Variants in CCDC112 observed in about 807,000 individuals in gnomAD.
CCDC112 encodes the protein coiled-coil domain-containing protein 112.
A neutral mutation model predicts 66.3 loss-of-function variants in CCDC112; 40 were observed. The observed-to-expected ratio is 0.60, with a 90% CI of 0.47 to 0.79. The LOEUF (loss-of-function observed/expected upper bound fraction) is 0.79. Among genes scored for constraint, CCDC112 ranks in the 30% least tolerant of loss-of-function variants. The pLI, the probability that CCDC112 is intolerant of heterozygous loss-of-function variation, is 0.00. For missense variants in CCDC112, 659 were observed against 603.8 expected, an observed-to-expected ratio of 1.09 and a Z score of -0.96; for synonymous variants, 214 against 197.2, an observed-to-expected ratio of 1.09 and a Z score of -0.71.
chr5:115,287,696 CTTTTTTTTTT>C lies in CCDC112; in HGVS notation c.118-2798_118-2789del, dbSNP rs778702533. ...AACAGATGTTAACCAATCCCCTTTC[CTTTTTTTTTT>C]TTTTTTTTTTTTTAATTAAAGTGGT... is the stretch of plus-strand genomic sequence containing the variant. On this transcript the variant is annotated intron_variant, in intron 1 of 9. Transcript: ENST00000379611. Among the ~76,000 whole-genome samples, 29 of 84,740 alleles carry C rather than the reference CTTTTTTTTTT, an allele frequency of 3.4e-4. No homozygotes were observed. In the East Asian group the frequency reaches 0.011, roughly 31 times the overall value. 55.6% of individuals were successfully genotyped at this position (84,740 alleles called of 152,430 possible). A position where few individuals can be genotyped will look rare whatever the true frequency, so the allele number is the denominator to read the frequency against.
Position 115,276,035 on chromosome 5 carries a change from A to T in CCDC112, c.486T>A (p.Ile162=). The T allele has an allele frequency of 1.2e-6, 2 of 1,607,632 alleles. No individual in the cohort carries two copies. Among genetic ancestry groups the T allele is most frequent in the South Asian group, 2.2e-5 (2 of 89,622 alleles). ...VEKLREMMEE[I]ENAINTFKEE... is the part of the protein sequence containing the mutation. ...CTTTAAAAGTGTTAATTGCATTTTC[A>T]ATTTCTTCCATCATTTCTCTGAGCT... Residue 162 remains isoleucine (I), a synonymous_variant, in exon 5 of 10, where the codon ATT becomes ATA. Transcript: ENST00000379611.
In CCDC112 at chr5:115,271,585, CT is replaced by C; in HGVS notation, c.959del (p.Glu320GlyfsTer6). The C allele has an allele frequency of 3.2e-6, 5 of 1,547,978 alleles. No homozygotes were observed. Among genetic ancestry groups the C allele is most frequent in the Non-Finnish European group, 4.3e-6 (5 of 1,154,800 alleles). On this transcript the variant is annotated frameshift_variant, in exon 7 of 10. Coordinates refer to ENST00000379611, the MANE Select transcript of CCDC112 (RefSeq NM_001040440.3). LOFTEE classifies it high-confidence loss of function. ...IWKTKKQQKREEIFKLKEKAD... is the reference protein window; with the variant it reads ...IWKTKKQQKRXEIFKLKEKAD... ...CCTTTTCCTTTAACTTGAAAATTTC[CT>C]CCCTTTTTTGCTGCTTTTTAGTTTT...
In CCDC112 at chr5:115,276,068, A is replaced by C; in HGVS notation, c.453T>G (p.Phe151Leu). ...QLKDVKPTPDFVEKLREMMEE... is the reference protein window; with the variant it reads ...QLKDVKPTPDLVEKLREMMEE... ...CCATCATTTCTCTGAGCTTCTCAACAACTGTAAAAGAAACACGGAAAATTA... is the reference window on the plus strand; with the variant it reads ...CCATCATTTCTCTGAGCTTCTCAACCACTGTAAAAGAAACACGGAAAATTA... The change falls in exon 5 of 10, where the codon TTT becomes TTG. Residue 151 changes from phenylalanine to leucine, a missense_variant and splice_region_variant. Transcript: ENST00000379611. 6.3e-7 allele frequency: 1 copy of C among 1,596,504 alleles called. No homozygotes were observed.
chr5:115,291,195 G>C (rs957196792), intron 1 of CCDC112, among the ~76,000 whole-genome samples: 6 of 152,026 alleles, frequency 3.9e-5, no homozygotes, highest in African/African-American at 1.4e-4. Context: ...CTTCATGAAA[G>C]GGTGTTGGAT....
intron 7 of CCDC112, among the ~76,000 whole-genome samples, chr5:115,270,829 C>CT: frequency 6.6e-6 from 1 of 152,348 alleles, no homozygotes. Flanking sequence ...CTGTTACACT[C>CT]TTTCAAGCTG....
At position 115,275,621 on chromosome 5, in the gene CCDC112, A is replaced by G; in HGVS notation, c.528-15T>C. On this transcript the variant is annotated splice_polypyrimidine_tract_variant and intron_variant, in intron 5 of 9. Transcript: ENST00000379611. ...GCTCTTCATATCTAAAATTTTAAAA[A>G]TAAAGTTTGAATAAGAAGACAATCC... is the stretch of plus-strand genomic sequence containing the variant. 6.7e-7 allele frequency: 1 copy of G among 1,502,484 alleles called. No homozygotes were observed. Among genetic ancestry groups the G allele is most frequent in the Non-Finnish European group, 9.0e-7 (1 of 1,108,922 alleles). The allele number at this position is 1,502,484 out of a possible 1,614,324, so 93.1% of individuals were successfully genotyped here. A position where few individuals can be genotyped will look rare whatever the true frequency, so the allele number is the denominator to read the frequency against.
At chr5:115,283,780 T>G (rs531589149) in intron 2 of CCDC112, among the ~76,000 whole-genome samples, 7 of 152,230 alleles carry the variant, frequency 4.6e-5, no homozygotes, top group African/African-American at 1.4e-4. Flanking sequence ...CCAGAGACCA[T>G]TCCTTATAAT....
chr5:115,280,406 T>C lies in CCDC112; in HGVS notation c.240-638A>G, dbSNP rs934364971. 11 of 152,340 alleles carry C rather than the reference T, an allele frequency of 7.2e-5. 1 individual carries two copies. The highest frequency in any genetic ancestry group is 2.0e-4 in the Admixed American group (3 of 15,294). 9.4% of individuals were successfully genotyped at this position (152,340 alleles called of 1,614,324 possible). A position where few individuals can be genotyped will look rare whatever the true frequency, so the allele number is the denominator to read the frequency against. ...TTAATGACTATTGTCTACATTTACT[T>C]CAGGCTTCTTTCAGCACATCTTTGC... On this transcript the variant is annotated intron_variant, in intron 2 of 9. Transcript: ENST00000379611.
At chr5:115,291,805 T>C (rs1749943330) in intron 1 of CCDC112, among the ~76,000 whole-genome samples, 1 of 152,228 alleles carries the variant, frequency 6.6e-6, no homozygotes, top group Non-Finnish European at 1.5e-5. Context: ...GCAGTCTTTT[T>C]CTATTTTATG....
At chr5:115,276,135 G>A in intron 4 of CCDC112, 66 bp from the exon 5 acceptor site, 2 of 1,121,370 alleles carry the variant, frequency 1.8e-6, no homozygotes, top group Non-Finnish European at 1.3e-6. Context: ...TAAATATTAG[G>A]AAGAAAAAGT....
intron 1 of CCDC112, among the ~76,000 whole-genome samples, 181 bp from the exon 2 acceptor site, chr5:115,285,089 T>C (rs926039857): frequency 7.9e-5 from 12 of 152,206 alleles, no homozygotes; most frequent in African/African-American, 2.4e-4. Context: ...TGAAGGAATA[T>C]CTATCTTAAA....
At chr5:115,286,075 T>C (rs536246442) in intron 1 of CCDC112, among the ~76,000 whole-genome samples, 3 of 152,346 alleles carry the variant, frequency 2.0e-5, no homozygotes, top group South Asian at 4.1e-4. Context: ...AAAATATGTC[T>C]GTTTGAAGTG....
chr5:115,270,247 A>C (rs1461933113), intron 7 of CCDC112, among the ~76,000 whole-genome samples: 1 of 152,056 alleles, frequency 6.6e-6, no homozygotes, highest in Non-Finnish European at 1.5e-5. Context: ...AATGAACTAA[A>C]ATTTTCAGTA....
chr5:115,290,730 C>G (rs566426634), intron 1 of CCDC112, among the ~76,000 whole-genome samples: 44 of 152,126 alleles, frequency 2.9e-4, no homozygotes, highest in African/African-American at 1.1e-3. Flanking sequence ...GTATTTTAAT[C>G]TTTGTGATAC....
rs992808168 is a variant in CCDC112, at chr5:115,271,446, T to A, written c.1099A>T (p.Ile367Leu). The A allele has an allele frequency of 6.2e-7, 1 of 1,611,784 alleles. No homozygotes were observed. Among genetic ancestry groups the A allele is most frequent in the African/African-American group, 1.3e-5 (1 of 74,836 alleles). Reference protein sequence around the residue: ...AVEAWKKQKSIEMSMKCASQL... With the variant: ...AVEAWKKQKSLEMSMKCASQL... ...GAAGCACATTTCATTGACATTTCTA[T>A]ACTTTTCTGTTTCTTCCAAGCTTCA... The change falls in exon 7 of 10, where the codon ATA becomes TTA. Residue 367 changes from isoleucine to leucine, a missense_variant. By Grantham distance (5) the Ile-to-Leu change is conservative (BLOSUM62 2). Transcript: ENST00000379611.
chr5:115,279,783 A>G lies in CCDC112; in HGVS notation c.240-15T>C. 1 of 1,307,564 alleles carries G rather than the reference A, an allele frequency of 7.6e-7. No individual in the cohort carries two copies. Among genetic ancestry groups the G allele is most frequent in the Non-Finnish European group, 1.1e-6 (1 of 916,772 alleles). 81.0% of individuals were successfully genotyped at this position (1,307,564 alleles called of 1,614,324 possible). A position where few individuals can be genotyped will look rare whatever the true frequency, so the allele number is the denominator to read the frequency against. On this transcript the variant is annotated splice_polypyrimidine_tract_variant and intron_variant, in intron 2 of 9. Coordinates refer to ENST00000379611, the MANE Select transcript of CCDC112 (RefSeq NM_001040440.3). ...TGTTAATTACTCTTTAGGAAAAGAAACAAATAGTATAAATATGATCTAAAT... is the reference window on the plus strand; with the variant it reads ...TGTTAATTACTCTTTAGGAAAAGAAGCAAATAGTATAAATATGATCTAAAT...
rs1749172143 is a variant in CCDC112, at chr5:115,275,555, G to A, written c.579C>T (p.Ala193=). The A allele has an allele frequency of 6.2e-7, 1 of 1,610,340 alleles. No individual in the cohort carries two copies. Among genetic ancestry groups the A allele is most frequent in the East Asian group, 2.2e-5 (1 of 44,846 alleles). ...EEKTTNNELS[A]ISRKIDTWAL... is the part of the protein sequence containing the mutation. ...CCCATGTGTCAATTTTTCTTGATAT[G>A]GCACTCAACTCATTATTAGTTGTCT... The change falls in exon 6 of 10, where the codon GCC becomes GCT. Residue 193 remains alanine (A), a synonymous_variant. Transcript: ENST00000379611.
At chr5:115,286,606 C>T (rs1170396710) in intron 1 of CCDC112, among the ~76,000 whole-genome samples, 2 of 151,840 alleles carry the variant, frequency 1.3e-5, no homozygotes, top group South Asian at 2.1e-4. Flanking sequence ...TTTTACTTTC[C>T]CATTTTGAAA....
At chr5:115,277,121 C>T (rs1749240087) in intron 3 of CCDC112, 67 bp from the exon 4 acceptor site, 2 of 864,682 alleles carry the variant, frequency 2.3e-6, no homozygotes, top group Non-Finnish European at 3.8e-6. Flanking sequence ...CAGGAATCTA[C>T]ATGTAAGACT....
Sources: gnomAD v4.1 joint callset for allele counts (sites outside exome capture counted in the v4.1 genomes callset) on GRCh38, gnomAD v4.1.1 for gene constraint, MANE v1.5 for transcripts, NCBI Gene and HGNC (gene_info 2026-07-23, HGNC 2026-07-21) for gene names.